KLF17: variants seen among roughly 807,000 people sequenced by gnomAD.
KLF17 encodes KLF transcription factor 17, also known as Krueppel-like factor 17.
In KLF17, 31 loss-of-function variants were observed where a neutral mutation model predicts 34.2. The ratio of observed to expected loss-of-function variants is 0.91; its 90% confidence interval spans 0.68 to 1.22. The LOEUF is 1.22. Among genes scored for constraint, KLF17 ranks in the 50% most tolerant of loss-of-function variants. The probability of loss-of-function intolerance (pLI) is 0.00; values close to 1 mark genes in which losing one functional copy is unlikely to be tolerated. For synonymous variants in KLF17, 179 were observed against 186.7 expected, an observed-to-expected ratio of 0.96 and a Z score of 0.34; for missense variants, 478 against 505.2, an observed-to-expected ratio of 0.95 and a Z score of 0.52.
At chr1:44,046,076 T>C in the KLF17 span, 1 of 150,986 alleles carries the variant, frequency 6.6e-6, no homozygotes, top group Non-Finnish European at 1.5e-5. Context: ...ATAAGAAAAA[T>C]AAAACAGATG....
the KLF17 span, chr1:44,044,990 G>C: frequency 2.6e-5 from 4 of 152,190 alleles, no homozygotes; most frequent in African/African-American, 9.7e-5. Context: ...GAGGAAAAGA[G>C]AGCAGTGTTT....
the KLF17 span, among the ~76,000 whole-genome samples, chr1:44,098,830 G>A: frequency 1.2e-3 from 182 of 151,782 alleles, 2 homozygotes; most frequent in East Asian, 0.019. Flanking sequence ...GATTACAGGT[G>A]TGAGCCACTG....
the KLF17 span, chr1:44,101,655 C>T: frequency 2.0e-5 from 3 of 152,138 alleles, no homozygotes; most frequent in Admixed American, 6.6e-5. Flanking sequence ...TAACTTTGGT[C>T]ACAAATTTCT....
intron 1 of KLF17, among the ~76,000 whole-genome samples, chr1:44,119,773 A>T (rs1428875739): frequency 6.6e-6 from 1 of 152,216 alleles, no homozygotes; most frequent in Non-Finnish European, 1.5e-5. Context: ...GGCCCCAGGG[A>T]CACCATTGAG....
the KLF17 span, among the ~76,000 whole-genome samples, chr1:44,047,276 T>C: frequency 6.6e-6 from 1 of 152,238 alleles, no homozygotes; most frequent in Non-Finnish European, 1.5e-5. Context: ...ATTGTACTCA[T>C]AGCATTGAGC....
the KLF17 span, among the ~76,000 whole-genome samples, chr1:44,058,322 C>G: frequency 6.6e-6 from 1 of 152,152 alleles, no homozygotes; most frequent in Non-Finnish European, 1.5e-5. Flanking sequence ...CGGAGTCTTG[C>G]TGTGTTGCCC....
rs2088137911 is a variant in KLF17, at chr1:44,133,707, G to GCCTGCC, written c.*478_*483dup. The stretch of plus-strand genomic sequence containing the variant: ...GGGGAAGCCCCACAGCCTTGGCTGT[G>GCCTGCC]CCTGCCCCTGCCCTCTCACCCCTAC... On this transcript the variant is annotated 3_prime_UTR_variant, in exon 4 of 4. Coordinates refer to ENST00000372299, the MANE Select transcript of KLF17 (RefSeq NM_173484.4). The GCCTGCC allele has an allele frequency of 1.3e-5, 2 of 152,312 alleles. No individual in the cohort carries two copies. The highest frequency in any genetic ancestry group is 4.8e-5 in the African/African-American group (2 of 41,452). 9.4% of individuals were successfully genotyped at this position (152,312 alleles called of 1,614,324 possible).
At chr1:44,093,693 C>A in the KLF17 span, among the ~76,000 whole-genome samples, 1 of 152,194 alleles carries the variant, frequency 6.6e-6, no homozygotes, top group Non-Finnish European at 1.5e-5. Context: ...CCGCACTCAT[C>A]TTTATACGAT....
chr1:44,119,573 A>T lies in KLF17; in HGVS notation c.81+585A>T, dbSNP rs545512055. 9.9e-5 allele frequency among the ~76,000 whole-genome samples: 15 copies of T among 152,262 alleles called. No individual in the cohort carries two copies. In the South Asian group the frequency reaches 2.9e-3, roughly 29 times the overall value. On this transcript the variant is annotated intron_variant, in intron 1 of 3. Coordinates refer to ENST00000372299, the MANE Select transcript of KLF17 (RefSeq NM_173484.4). The stretch of plus-strand genomic sequence containing the variant: ...AATTGTACAGCGTTACATGAAGAAG[A>T]AGTCAGGGGCGCGTGGGAGCAGATA...
chr1:44,118,269 C>T (rs116556856), upstream of KLF17, among the ~76,000 whole-genome samples: 46 of 152,294 alleles, frequency 3.0e-4, no homozygotes, highest in African/African-American at 1.0e-3. Flanking sequence ...TACTATTTTA[C>T]CCCTAGTTCA....
chr1:44,118,608 G>A (rs2154311276), upstream of KLF17, among the ~76,000 whole-genome samples: 1 of 152,308 alleles, frequency 6.6e-6, no homozygotes, highest in East Asian at 1.9e-4. Flanking sequence ...CTGAGGGGTG[G>A]AATGGGTCGG....
the KLF17 span, among the ~76,000 whole-genome samples, chr1:44,049,010 G>A: frequency 1.3e-5 from 2 of 152,166 alleles, no homozygotes; most frequent in East Asian, 3.8e-4. Context: ...GCCACAGACT[G>A]GGTGGCTTAA....
chr1:44,065,404 G>GTT, the KLF17 span, among the ~76,000 whole-genome samples: 50 of 143,674 alleles, frequency 3.5e-4, no homozygotes, highest in African/African-American at 1.3e-3. Context: ...AATAATCCTT[G>GTT]GTTTTTTTTT....
the KLF17 span, among the ~76,000 whole-genome samples, chr1:44,059,838 G>A: frequency 0.013 from 1,983 of 152,104 alleles, 19 homozygotes; most frequent in Non-Finnish European, 0.017. Context: ...AGGTAAATGG[G>A]ATTCCACTTG....
At chr1:44,078,731 C>T in the KLF17 span, among the ~76,000 whole-genome samples, 10 of 152,158 alleles carry the variant, frequency 6.6e-5, no homozygotes, top group South Asian at 4.2e-4. Flanking sequence ...CTGCTGTGCC[C>T]GGCCGCTTTT....
chr1:44,106,472 C>T, the KLF17 span: 1 of 152,254 alleles, frequency 6.6e-6, no homozygotes, highest in Non-Finnish European at 1.5e-5. Context: ...TTCACCCTTA[C>T]TTTCTCCAGA....
At chr1:44,127,674 CTTTCTTTCTTTCTTTCTT>C (rs1232129995) in intron 1 of KLF17, among the ~76,000 whole-genome samples, 557 of 42,646 alleles carry the variant, frequency 0.013, 13 homozygotes, top group East Asian at 0.11. Flanking sequence ...TTCTTTCTTT[CTTTCTTTCTTTCTTTCTT>C]TTTCTTTCTT....
chr1:44,106,333 A>G, the KLF17 span: 1 of 152,300 alleles, frequency 6.6e-6, no homozygotes, highest in African/African-American at 2.4e-5. Flanking sequence ...CATTGCATCC[A>G]TATCGCTATC....
At chr1:44,067,024 G>C in the KLF17 span, among the ~76,000 whole-genome samples, 2 of 152,146 alleles carry the variant, frequency 1.3e-5, no homozygotes, top group Admixed American at 1.3e-4. Context: ...GAGGAGGTAT[G>C]GGTAGAACTA....
Sources: allele counts gnomAD v4.1 joint callset (sites outside exome capture counted in the v4.1 genomes callset), GRCh38; gene constraint gnomAD v4.1.1; transcripts MANE v1.5; gene names NCBI Gene and HGNC (gene_info 2026-07-23, HGNC 2026-07-21).